The following ITSN2 variants were observed in gnomAD, a reference collection of about 807,000 sequenced individuals.
ITSN2 encodes intersectin 2.
A neutral mutation model predicts 243.7 loss-of-function variants in ITSN2; 156 were observed. The observed-to-expected ratio is 0.64, with a 90% confidence interval of 0.56 to 0.73. ITSN2 has a LOEUF of 0.73. Among genes scored for constraint, ITSN2 ranks in the 30% least tolerant of loss-of-function variants. The pLI, the probability that ITSN2 is intolerant of heterozygous loss-of-function variation, is 0.00. For missense variants in ITSN2, 1,801 were observed against 1,996.1 expected, an observed-to-expected ratio of 0.90 and a Z score of 1.86; for synonymous variants, 703 against 699.9, an observed-to-expected ratio of 1.00 and a Z score of -0.07.
intron 4 of ITSN2, among the ~76,000 whole-genome samples, 157 bp downstream of exon 4, chr2:24,313,303 G>A (rs1683492291): frequency 6.6e-6 from 1 of 151,484 alleles, no homozygotes; most frequent in African/African-American, 2.4e-5. Context: ...TGCCCAGCCT[G>A]GCCTCAAGCA....
chr2:24,298,578 G>A, intron 13 of ITSN2, 87 bp downstream of exon 13: 1 of 1,288,698 alleles, frequency 7.8e-7, no homozygotes, highest in Non-Finnish European at 1.1e-6. Flanking sequence ...TAACAGGTGT[G>A]AGCCACCACG....
intron 1 of ITSN2, among the ~76,000 whole-genome samples, chr2:24,330,183 G>A (rs1341819461): frequency 6.6e-6 from 1 of 152,156 alleles, no homozygotes; most frequent in East Asian, 1.9e-4. Flanking sequence ...GGGATCCCAT[G>A]GACACAAGGC....
intron 10 of ITSN2, 59 bp from the exon 11 acceptor site, chr2:24,301,298 T>A: frequency 1.1e-6 from 1 of 951,922 alleles, no homozygotes; most frequent in Non-Finnish European, 1.7e-6. Context: ...CAGACTAGAT[T>A]ACACAGACTA....
intron 32 of ITSN2, 91 bp downstream of exon 32, chr2:24,215,958 C>A: frequency 1.1e-6 from 1 of 913,940 alleles, no homozygotes; most frequent in East Asian, 2.9e-5. Flanking sequence ...GGATGCCCTT[C>A]TCCATTGCTG....
chr2:24,221,120 A>G (rs1670411405), intron 29 of ITSN2, 54 bp from the exon 30 acceptor site: 2 of 1,556,386 alleles, frequency 1.3e-6, no homozygotes, highest in South Asian at 1.2e-5. Flanking sequence ...TTTGTAGAAA[A>G]TAGACATTTG....
At chr2:24,289,505 C>CT in intron 15 of ITSN2, among the ~76,000 whole-genome samples, 1 of 152,270 alleles carries the variant, frequency 6.6e-6, no homozygotes, top group African/African-American at 2.4e-5. Context: ...TTATTGCAGT[C>CT]TTTAGGGTTT....
In ITSN2 at chr2:24,286,264, T is replaced by C. The variant is rs750265777; in HGVS notation, c.1811A>G (p.Lys604Arg). 1 of 1,605,416 alleles carries C rather than the reference T, an allele frequency of 6.2e-7. No homozygotes were observed. Among genetic ancestry groups the C allele is most frequent in the East Asian group, 2.2e-5 (1 of 44,726 alleles). Residue 604 changes from lysine (K) to arginine (R), a missense_variant, in exon 16 of 40, where the codon AAA (lysine) becomes AGA (arginine). By Grantham distance (26) the Lys-to-Arg change is conservative. Around this residue, in one of 5 missense-constraint regions of ITSN2, gnomAD observed 787 missense variants for 803.9 expected, o/e 0.98. Coordinates refer to ENST00000355123, the MANE Select transcript of ITSN2 (RefSeq NM_006277.3). Reference sequence around the variant, plus strand: ...TTCTGACAGCTTAGATGCAGTTTCTTTTTCAAGAGCATCTAACTGTTCTTT... The same window carrying C: ...TTCTGACAGCTTAGATGCAGTTTCTCTTTCAAGAGCATCTAACTGTTCTTT... Reference protein sequence around the residue: ...RLKEQLDALEKETASKLSEMD... With the variant: ...RLKEQLDALERETASKLSEMD...
At chr2:24,323,912 A>G (rs1346871631) in intron 2 of ITSN2, among the ~76,000 whole-genome samples, 1 of 152,176 alleles carries the variant, frequency 6.6e-6, no homozygotes, top group Non-Finnish European at 1.5e-5. Flanking sequence ...GACTATTTTA[A>G]GTCTGAAGAG....
At position 24,270,867 on chromosome 2, in the gene ITSN2, C is replaced by T; in HGVS notation, c.2258-99G>A. 4.7e-6 allele frequency: 3 copies of T among 633,446 alleles called. No homozygotes were observed. The South Asian group carries it at 6.4e-5, about 14-fold the overall frequency. 39.2% of individuals were successfully genotyped at this position (633,446 alleles called of 1,614,324 possible). ...AAAACCTAAAAGAAAAAATCAAGCA[C>T]CAAATACTACAATGAAAATCCACTT... is the stretch of plus-strand genomic sequence containing the variant. On this transcript the variant is annotated intron_variant, in intron 19 of 39. Transcript: ENST00000355123.
rs754920695 is a variant in ITSN2, at chr2:24,248,679, T to C, written c.3238A>G (p.Ile1080Val). 6.2e-7 allele frequency: 1 copy of C among 1,612,126 alleles called. No homozygotes were observed. The highest frequency in any genetic ancestry group is 8.5e-7 in the Non-Finnish European group (1 of 1,178,602). Residue 1080 changes from isoleucine (I) to valine (V), a missense_variant, in exon 27 of 40, where the codon ATA becomes GTA. Ile to Val is a conservative substitution (Grantham distance 29). Around this residue, in one of 5 missense-constraint regions of ITSN2, gnomAD observed 928 missense variants for 1,065.4 expected, o/e 0.87. Coordinates refer to ENST00000355123, the MANE Select transcript of ITSN2 (RefSeq NM_006277.3). ...CTTGTATTTTTCTTTAGAATTAATATTAACTGTCCTGGTGCAAGGCTAAGT... is the reference window on the plus strand; with the variant it reads ...CTTGTATTTTTCTTTAGAATTAATACTAACTGTCCTGGTGCAAGGCTAAGT... ...EQLSLAPGQL[I>V]LILKKNTSGW...
chr2:24,324,655 C>T (rs1684950671), intron 2 of ITSN2, among the ~76,000 whole-genome samples: 1 of 151,796 alleles, frequency 6.6e-6, no homozygotes, highest in African/African-American at 2.4e-5. Context: ...TTGAGACCAG[C>T]CTGGTCAACA....
At chr2:24,271,095 G>A (rs939853503) in intron 19 of ITSN2, among the ~76,000 whole-genome samples, 18 of 152,082 alleles carry the variant, frequency 1.2e-4, no homozygotes, top group South Asian at 6.2e-4. Context: ...GCAAAGAGAG[G>A]CTTGGTTTGA....
chr2:24,209,741 G>T, intron 35 of ITSN2, 77 bp downstream of exon 35: 2 of 1,160,584 alleles, frequency 1.7e-6, no homozygotes, highest in Non-Finnish European at 2.6e-6. Context: ...CCAGCTCAGG[G>T]TCTGCCAGGA....
At chr2:24,324,778 T>C (rs1451954105) in intron 2 of ITSN2, among the ~76,000 whole-genome samples, 1 of 144,460 alleles carries the variant, frequency 6.9e-6, no homozygotes, top group East Asian at 2.1e-4. Context: ...TGCTTGAGCC[T>C]GGAGGTTGAG....
At position 24,360,418 on chromosome 2, in the gene ITSN2, C is replaced by G. The variant is rs981408787; in HGVS notation, c.-148G>C. 2.6e-5 allele frequency: 4 copies of G among 152,608 alleles called. No individual in the cohort carries two copies. Among genetic ancestry groups the G allele is most frequent in the African/African-American group, 9.6e-5 (4 of 41,468 alleles). The allele number at this position is 152,608 out of a possible 1,614,324, so 9.5% of individuals were successfully genotyped here. On this transcript the variant is annotated 5_prime_UTR_variant, in exon 1 of 40. Transcript: ENST00000355123. The stretch of plus-strand genomic sequence containing the variant: ...CCCTGCTCTGCCGCCGTCGCCGCCA[C>G]TGCAGCTGGCTTGGTCGTCAGGCCG...
chr2:24,330,994 T>G (rs1685722550), intron 1 of ITSN2, among the ~76,000 whole-genome samples: 2 of 151,900 alleles, frequency 1.3e-5, no homozygotes, highest in Admixed American at 1.3e-4. Context: ...CTCGAACTCC[T>G]GACCTCAGGT....
intron 20 of ITSN2, among the ~76,000 whole-genome samples, chr2:24,269,475 T>G (rs1030755027): frequency 6.6e-6 from 1 of 152,234 alleles, no homozygotes; most frequent in Non-Finnish European, 1.5e-5. Context: ...TTCATGTTAA[T>G]GATTCAGCAG....
rs559697773 is a variant in ITSN2 at position 24,275,402 on chromosome 2, T to C, written c.2081+311A>G. Among the ~76,000 whole-genome samples, 52 of 152,012 alleles carry C rather than the reference T, an allele frequency of 3.4e-4. No individual in the cohort carries two copies. In the Middle Eastern group the frequency reaches 0.01, roughly 30 times the overall value. ...ACATTTACCTATGAGATATGCATTA[T>C]TGTCTCTATTTTCAGATGGAGTAAC... On this transcript the variant is annotated intron_variant, in intron 18 of 39. Coordinates refer to ENST00000355123, the MANE Select transcript of ITSN2 (RefSeq NM_006277.3).
At chr2:24,283,885 A>G (rs1362385438) in intron 17 of ITSN2, among the ~76,000 whole-genome samples, 2 of 152,214 alleles carry the variant, frequency 1.3e-5, no homozygotes. Context: ...ATCCGTAGCA[A>G]AAGTTCTAAA....
Sources: allele counts gnomAD v4.1 joint callset (sites outside exome capture counted in the v4.1 genomes callset), GRCh38; gene constraint gnomAD v4.1.1; regional missense constraint gnomAD v4.1.1; transcripts MANE v1.5; gene names NCBI Gene and HGNC (gene_info 2026-07-23, HGNC 2026-07-21).